The following MTHFD2L variants were observed in gnomAD, a reference collection of about 807,000 sequenced individuals.
The protein encoded by MTHFD2L is methylenetetrahydrofolate dehydrogenase (NADP+ dependent) 2 like, also known as bifunctional methylenetetrahydrofolate dehydrogenase/cyclohydrolase 2, mitochondrial.
MTHFD2L carries 29 observed loss-of-function variants against 34.9 expected under a neutral mutation model. That is an observed-to-expected ratio of 0.83 (90% confidence interval 0.62 to 1.13). The LOEUF (loss-of-function observed/expected upper bound fraction) is 1.13, where lower values mean the gene tolerates loss of function less well. MTHFD2L is among the 50% of genes most tolerant of loss of function. The pLI, the probability that MTHFD2L is intolerant of heterozygous loss-of-function variation, is 0.00. For missense variants in MTHFD2L, 481 were observed against 446.5 expected, an observed-to-expected ratio of 1.08 and a Z score of -0.70; for synonymous variants, 167 against 155.7, an observed-to-expected ratio of 1.07 and a Z score of -0.54.
chr4:74,155,259 A>G (rs1263377653), upstream of MTHFD2L, among the ~76,000 whole-genome samples: 2 of 152,162 alleles, frequency 1.3e-5, no homozygotes, highest in African/African-American at 2.4e-5. Context: ...TCTTGTCACA[A>G]CCTTCATTCC....
At chr4:74,208,053 AC>A (rs1735655514) in intron 5 of MTHFD2L, among the ~76,000 whole-genome samples, 1 of 151,870 alleles carries the variant, frequency 6.6e-6, no homozygotes, top group Admixed American at 6.6e-5. Context: ...TGGGGAAGGA[AC>A]CATTGTCTAA....
intron 1 of MTHFD2L, among the ~76,000 whole-genome samples, chr4:74,163,836 T>G (rs1399243376): frequency 6.6e-6 from 1 of 152,172 alleles, no homozygotes; most frequent in Non-Finnish European, 1.5e-5. Context: ...CTTGGAATTG[T>G]TAATCATTCT....
In MTHFD2L at chr4:74,199,891, G is replaced by A. The variant is rs1231276355; in HGVS notation, c.549G>A (p.Gln183=). 2.5e-6 allele frequency: 4 copies of A among 1,613,952 alleles called. No individual in the cohort carries two copies. The African/African-American group carries it at 4.0e-5, about 16-fold the overall frequency. The change falls in exon 4 of 8, where the codon CAG becomes CAA. Residue 183 remains glutamine, a synonymous_variant. Coordinates refer to ENST00000325278, the MANE Select transcript of MTHFD2L (RefSeq NM_001144978.3). ...IINIGRLCLD[Q]HSLIPATASA... is the part of the protein sequence containing the mutation. ...ATATTGGAAGATTGTGCCTTGATCA[G>A]CATTCTCTCATACCTGCCACTGCCA...
At chr4:74,250,170 G>A (rs1157155566) in intron 6 of MTHFD2L, among the ~76,000 whole-genome samples, 1 of 152,068 alleles carries the variant, frequency 6.6e-6, no homozygotes, top group Non-Finnish European at 1.5e-5. Flanking sequence ...TGGAGGCTTT[G>A]TTCATTTCTT....
chr4:74,204,082 C>A (rs1053765860), intron 5 of MTHFD2L, among the ~76,000 whole-genome samples: 1 of 151,988 alleles, frequency 6.6e-6, no homozygotes, highest in Non-Finnish European at 1.5e-5. Flanking sequence ...CTTCAGAGGA[C>A]TCATCTAAGG....
Position 74,301,881 on chromosome 4 carries a change from T to C in MTHFD2L, c.*72T>C. ...TTGACAAAGGGTAAAACCTTTATAT[T>C]TTACTACAAAGCTATTTATTTCTAC... On this transcript the variant is annotated 3_prime_UTR_variant, in exon 8 of 8. Coordinates refer to ENST00000325278, the MANE Select transcript of MTHFD2L (RefSeq NM_001144978.3). 1 of 828,366 alleles carries C rather than the reference T, an allele frequency of 1.2e-6. No homozygotes were observed. The highest frequency in any genetic ancestry group is 2.1e-5 in the South Asian group (1 of 47,166). The allele number at this position is 828,366 out of a possible 1,614,324, so 51.3% of individuals were successfully genotyped here. A position where few individuals can be genotyped will look rare whatever the true frequency, so the allele number is the denominator to read the frequency against.
intron 7 of MTHFD2L, among the ~76,000 whole-genome samples, chr4:74,298,688 T>G (rs1364137639): frequency 1.3e-5 from 2 of 152,004 alleles, no homozygotes; most frequent in Non-Finnish European, 2.9e-5. Flanking sequence ...CTATGAGAAC[T>G]TATAGTCAAA....
intron 6 of MTHFD2L, among the ~76,000 whole-genome samples, chr4:74,233,752 C>T (rs562509395): frequency 4.5e-4 from 68 of 152,148 alleles, no homozygotes; most frequent in Admixed American, 1.6e-3. Flanking sequence ...TCAGAACCAT[C>T]ACAAAGTTTT....
At chr4:74,126,301 A>G (rs1722067875) in intron 1 of MTHFD2L, among the ~76,000 whole-genome samples, 1 of 152,212 alleles carries the variant, frequency 6.6e-6, no homozygotes, top group South Asian at 2.1e-4. Flanking sequence ...GATCAAAATA[A>G]TTCTAATATT....
chr4:74,299,188 T>A (rs1045507801), intron 7 of MTHFD2L, among the ~76,000 whole-genome samples: 3 of 152,002 alleles, frequency 2.0e-5, no homozygotes, highest in African/African-American at 7.2e-5. Context: ...ATGCCACTTT[T>A]AAATTTTGAA....
At chr4:74,266,153 A>C (rs1191747751) in intron 6 of MTHFD2L, among the ~76,000 whole-genome samples, 2 of 152,226 alleles carry the variant, frequency 1.3e-5, no homozygotes, top group African/African-American at 4.8e-5. Flanking sequence ...TTACTGGAAC[A>C]TAGCAGAAAC....
chr4:74,137,847 G>A (rs189648129), intron 1 of MTHFD2L, among the ~76,000 whole-genome samples: 1 of 152,130 alleles, frequency 6.6e-6, no homozygotes, highest in Non-Finnish European at 1.5e-5. Flanking sequence ...AGAGAAATAA[G>A]CCAAGCACAG....
chr4:74,180,930 A>T (rs575576107), intron 3 of MTHFD2L: 3,472 of 176,084 alleles, frequency 0.02, 116 homozygotes, highest in African/African-American at 0.076. Context: ...ATTTTATTTT[A>T]TTTTTTTTTA....
chr4:74,270,577 A>G (rs1246155755), intron 6 of MTHFD2L, among the ~76,000 whole-genome samples: 1 of 152,148 alleles, frequency 6.6e-6, no homozygotes, highest in African/African-American at 2.4e-5. Flanking sequence ...TCATTAATGG[A>G]CATTTGGGTT....
At chr4:74,170,648 C>G (rs146764918) in intron 1 of MTHFD2L, among the ~76,000 whole-genome samples, 51 of 152,094 alleles carry the variant, frequency 3.4e-4, no homozygotes, top group Non-Finnish European at 7.1e-4. Context: ...AGGCAAAGCA[C>G]AGACTGGGAG....
chr4:74,269,894 G>C (rs1037638522), intron 6 of MTHFD2L, among the ~76,000 whole-genome samples: 2 of 152,062 alleles, frequency 1.3e-5, no homozygotes, highest in Non-Finnish European at 2.9e-5. Flanking sequence ...GATAAGTATA[G>C]ATTATTTTGA....
chr4:74,259,702 C>T (rs189505769), intron 6 of MTHFD2L, among the ~76,000 whole-genome samples: 1 of 152,184 alleles, frequency 6.6e-6, no homozygotes, highest in Non-Finnish European at 1.5e-5. Flanking sequence ...AGTCCATGAA[C>T]GCAACAAGCT....
chr4:74,184,060 A>G (rs1376247749), intron 3 of MTHFD2L: 1 of 152,228 alleles, frequency 6.6e-6, no homozygotes, highest in Non-Finnish European at 1.5e-5. Context: ...AGCAACCATG[A>G]AAATAACACA....
intron 2 of MTHFD2L, among the ~76,000 whole-genome samples, chr4:74,117,358 G>A (rs1560396501): frequency 6.6e-6 from 1 of 152,160 alleles, no homozygotes; most frequent in Non-Finnish European, 1.5e-5. Flanking sequence ...TTCAGATTCA[G>A]CTACTATTGT....
Sources: allele counts gnomAD v4.1 joint callset (sites outside exome capture counted in the v4.1 genomes callset), GRCh38; gene constraint gnomAD v4.1.1; transcripts MANE v1.5; gene names NCBI Gene and HGNC (gene_info 2026-07-23, HGNC 2026-07-21).